Variants in GOLM1 observed in about 807,000 individuals in gnomAD.
The protein encoded by GOLM1 is golgi membrane protein 1.
In GOLM1, 31 loss-of-function variants were observed where a neutral mutation model predicts 50.5. That is an observed-to-expected ratio of 0.61 (90% confidence interval 0.46 to 0.83). The LOEUF is 0.83. GOLM1 is among the 40% of genes least tolerant of loss of function. The probability of loss-of-function intolerance (pLI) is 0.00; values close to 1 mark genes in which losing one functional copy is unlikely to be tolerated. For synonymous variants in GOLM1, 178 were observed against 192.8 expected (o/e 0.92, Z 0.64); for missense variants, 491 against 501.3 (o/e 0.98, Z 0.20).
In GOLM1 at chr9:86,043,177, G is replaced by A. The variant is rs543514137; in HGVS notation, c.468-2309C>T. On this transcript the variant is annotated intron_variant, in intron 5 of 9. Coordinates refer to ENST00000388712, the MANE Select transcript of GOLM1 (RefSeq NM_016548.4). Reference sequence around the variant, plus strand: ...TCTCCTCATAGCAGGGAGATGAGATGGCGAGCGGTTCATCTCATGTGCTGA... The same window carrying A: ...TCTCCTCATAGCAGGGAGATGAGATAGCGAGCGGTTCATCTCATGTGCTGA... 3.9e-5 allele frequency among the ~76,000 whole-genome samples: 6 copies of A among 152,324 alleles called. No homozygotes were observed. In the South Asian group the frequency reaches 1.2e-3, roughly 32 times the overall value.
chr9:86,036,521 A>T lies in GOLM1; in HGVS notation c.598-14T>A. The T allele has an allele frequency of 6.2e-7, 1 of 1,613,614 alleles. No homozygotes were observed. On this transcript the variant is annotated splice_polypyrimidine_tract_variant and intron_variant, in intron 6 of 9. Coordinates refer to ENST00000388712, the MANE Select transcript of GOLM1 (RefSeq NM_016548.4). The stretch of plus-strand genomic sequence containing the variant: ...GAGGGCTTGGAGCTGAAACAGAAGC[A>T]CAGGACAGCCAGCCAGGGCAGGGCT...
intron 3 of GOLM1, among the ~76,000 whole-genome samples, chr9:86,055,115 A>G (rs1452942609): frequency 1.3e-5 from 2 of 152,246 alleles, no homozygotes; most frequent in African/African-American, 2.4e-5. Flanking sequence ...TTATGAACAC[A>G]GGGATGCATG....
chr9:86,070,428 C>T (rs905270170), intron 3 of GOLM1, among the ~76,000 whole-genome samples: 7 of 151,710 alleles, frequency 4.6e-5, no homozygotes, highest in South Asian at 2.1e-4. Context: ...AAAAATTAGC[C>T]GGGTGTGGTG....
At chr9:86,085,360 A>G (rs1587738441) in intron 1 of GOLM1, among the ~76,000 whole-genome samples, 2 of 151,964 alleles carry the variant, frequency 1.3e-5, no homozygotes, top group Admixed American at 1.3e-4. Context: ...TTGTCTATTA[A>G]AGGTAAACCA....
intron 3 of GOLM1, among the ~76,000 whole-genome samples, 162 bp downstream of exon 3, chr9:86,077,250 A>C (rs1392313393): frequency 6.6e-6 from 1 of 152,194 alleles, no homozygotes; most frequent in South Asian, 2.1e-4. Flanking sequence ...AGGGACTTGG[A>C]GGGGAAAGGG....
intron 4 of GOLM1, 39 bp downstream of exon 4, chr9:86,052,498 A>G (rs1190262857): frequency 6.3e-7 from 1 of 1,589,584 alleles, no homozygotes; most frequent in Admixed American, 1.7e-5. Context: ...TTCCTCCTCA[A>G]AGGCCAGTGC....
chr9:86,065,608 TGGCAGCCCCC>T (rs1834285575), intron 3 of GOLM1, among the ~76,000 whole-genome samples: 1 of 152,168 alleles, frequency 6.6e-6, no homozygotes, highest in African/African-American at 2.4e-5. Flanking sequence ...CGAGCAGACC[TGGCAGCCCCC>T]GGCAGCCCCA....
intron 3 of GOLM1, among the ~76,000 whole-genome samples, chr9:86,054,743 G>A (rs1833937079): frequency 6.6e-6 from 1 of 152,142 alleles, no homozygotes; most frequent in Non-Finnish European, 1.5e-5. Flanking sequence ...GTAGTAGGCT[G>A]TACCTAATGT....
Position 86,027,732 on chromosome 9 carries a change from TCA to T in GOLM1, c.*83_*84del, listed in dbSNP as rs1161140738. Reference sequence around the variant, plus strand: ...AGATGTACATTTTATTTAGTACATTTCACAGTTTTCAGTATTCAGTCCCTCAT... The same window carrying T: ...AGATGTACATTTTATTTAGTACATTTCAGTTTTCAGTATTCAGTCCCTCAT... On this transcript the variant is annotated 3_prime_UTR_variant, in exon 10 of 10. Coordinates refer to ENST00000388712, the MANE Select transcript of GOLM1 (RefSeq NM_016548.4). 5.6e-5 allele frequency: 86 copies of T among 1,522,288 alleles called. No homozygotes were observed. In the Middle Eastern group the frequency reaches 2.1e-3, roughly 37 times the overall value. 94.3% of individuals were successfully genotyped at this position (1,522,288 alleles called of 1,614,324 possible).
intron 2 of GOLM1, among the ~76,000 whole-genome samples, chr9:86,078,786 A>T (rs1834698967): frequency 6.6e-6 from 1 of 152,214 alleles, no homozygotes; most frequent in Non-Finnish European, 1.5e-5. Context: ...CTTTAAAAAC[A>T]TATTTCTTAC....
At chr9:86,084,072 T>C (rs1193830376) in intron 1 of GOLM1, among the ~76,000 whole-genome samples, 1 of 152,176 alleles carries the variant, frequency 6.6e-6, no homozygotes, top group East Asian at 1.9e-4. Flanking sequence ...GTTCCAAACC[T>C]AGCTGGCCTC....
chr9:86,035,484 G>C lies in GOLM1; in HGVS notation c.899C>G (p.Pro300Arg). Residue 300 changes from proline to arginine, a missense_variant, in exon 8 of 10, where the codon CCA becomes CGA. By Grantham distance (103) the Pro-to-Arg change is moderately radical (BLOSUM62 -2). Transcript: ENST00000388712. ...CACTGACAGGGCAGCCTGCACCTGT[G>C]GGGTCTGGCCCAGTTCTCCGGCTCC... ...FGGAGELGQTPQVQAALSVSQ... is the reference protein window; with the variant it reads ...FGGAGELGQTRQVQAALSVSQ... 1 of 1,613,530 alleles carries C rather than the reference G, an allele frequency of 6.2e-7. No individual in the cohort carries two copies. Among genetic ancestry groups the C allele is most frequent in the Non-Finnish European group, 8.5e-7 (1 of 1,179,970 alleles).
At chr9:86,028,358 C>T (rs1047704697) in intron 9 of GOLM1, among the ~76,000 whole-genome samples, 4 of 152,194 alleles carry the variant, frequency 2.6e-5, no homozygotes, top group African/African-American at 7.2e-5. Context: ...ACGATTCGGA[C>T]GCCAAGGGAA....
chr9:86,053,341 G>A (rs1179233020), intron 3 of GOLM1, among the ~76,000 whole-genome samples: 5 of 52,050 alleles, frequency 9.6e-5, no homozygotes, highest in East Asian at 7.5e-4. Flanking sequence ...ACTACACCAC[G>A]CCACAACTCC....
chr9:86,031,604 G>C (rs553700045), intron 9 of GOLM1, among the ~76,000 whole-genome samples: 18 of 151,730 alleles, frequency 1.2e-4, no homozygotes, highest in African/African-American at 4.4e-4. Context: ...TGGGATTACA[G>C]GCATGTGCCA....
chr9:86,048,164 GT>G (rs1160684732), intron 4 of GOLM1, among the ~76,000 whole-genome samples: 5 of 151,718 alleles, frequency 3.3e-5, no homozygotes, highest in Non-Finnish European at 7.4e-5. Flanking sequence ...CAGAATGATG[GT>G]TTCCAGCTTC....
intron 1 of GOLM1, among the ~76,000 whole-genome samples, chr9:86,091,032 T>C (rs1255429980): frequency 2.0e-5 from 3 of 152,100 alleles, no homozygotes; most frequent in Non-Finnish European, 2.9e-5. Flanking sequence ...CCCCTTGCAC[T>C]TCCTAGATGA....
intron 8 of GOLM1, 93 bp downstream of exon 8, chr9:86,035,275 C>T: frequency 6.5e-7 from 1 of 1,538,834 alleles, no homozygotes; most frequent in African/African-American, 1.4e-5. Flanking sequence ...TGGTAAAATT[C>T]AGGGTGATAT....
intron 1 of GOLM1, among the ~76,000 whole-genome samples, chr9:86,097,831 C>T (rs1197107045): frequency 6.6e-6 from 1 of 152,164 alleles, no homozygotes; most frequent in Non-Finnish European, 1.5e-5. Context: ...CCGGGTAGCC[C>T]TGGGCCTGCT....
Sources: allele counts gnomAD v4.1 joint callset (sites outside exome capture counted in the v4.1 genomes callset), GRCh38; gene constraint gnomAD v4.1.1; transcripts MANE v1.5; gene names NCBI Gene and HGNC (gene_info 2026-07-23, HGNC 2026-07-21).